The following RSF1 variants were observed in gnomAD, a reference collection of about 807,000 sequenced individuals.
RSF1 encodes the protein remodeling and spacing factor 1.
A neutral mutation model predicts 145.2 loss-of-function variants in RSF1; 13 were observed. The observed-to-expected ratio is 0.09, with a 90% CI of 0.06 to 0.14. The LOEUF (loss-of-function observed/expected upper bound fraction) is 0.14, where lower values mean the gene tolerates loss of function less well. Among genes scored for constraint, RSF1 ranks in the 10% least tolerant of loss-of-function variants. RSF1 has a pLI of 1.00. For missense variants in RSF1, 1,517 were observed against 1,718.2 expected (o/e 0.88, Z 2.07); for synonymous variants, 577 against 592.6 (o/e 0.97, Z 0.38).
intron 1 of RSF1, among the ~76,000 whole-genome samples, chr11:77,781,471 T>C (rs773268795): frequency 6.6e-6 from 1 of 152,218 alleles, no homozygotes; most frequent in Non-Finnish European, 1.5e-5. Flanking sequence ...ACATACATTT[T>C]TATTTCTCTT....
In RSF1 at chr11:77,675,142, G is replaced by A. The variant is rs1226212462; in HGVS notation, c.3456C>T (p.Pro1152=). 2 of 1,614,122 alleles carry A rather than the reference G, an allele frequency of 1.2e-6. No homozygotes were observed. The highest frequency in any genetic ancestry group is 1.7e-6 in the Non-Finnish European group (2 of 1,180,018). The change falls in exon 14 of 16, where the codon CCC becomes CCT. Residue 1152 remains proline, a synonymous_variant. Transcript: ENST00000308488. ...GCCTGCTCTGCCTCATTGGCCGAGA[G>A]GGGTGTCGCCTCAGTCTACGGCTAC... The part of the protein sequence containing the change: ...DFCSRRLRRH[P]SRPMRQSRRL...
the RSF1 span, among the ~76,000 whole-genome samples, chr11:77,826,582 T>C: frequency 6.6e-6 from 1 of 152,186 alleles, no homozygotes; most frequent in Non-Finnish European, 1.5e-5. Context: ...AGTTGCAGCA[T>C]AGTCGCTACC....
At chr11:77,808,228 G>C (rs1460629761) in intron 1 of RSF1, among the ~76,000 whole-genome samples, 1 of 151,932 alleles carries the variant, frequency 6.6e-6, no homozygotes, top group East Asian at 1.9e-4. Context: ...CAGCTATTCA[G>C]GAGGCTGAGG....
intron 1 of RSF1, among the ~76,000 whole-genome samples, chr11:77,786,179 C>T (rs1262225784): frequency 6.6e-6 from 1 of 151,994 alleles, no homozygotes; most frequent in Non-Finnish European, 1.5e-5. Context: ...CCAGCTAATA[C>T]TAAAAATCCT....
intron 9 of RSF1, among the ~76,000 whole-genome samples, chr11:77,690,536 G>C (rs568348158): frequency 6.6e-6 from 1 of 152,100 alleles, no homozygotes; most frequent in South Asian, 2.1e-4. Context: ...TCACTGCAAC[G>C]ATTCTCCTGC....
At chr11:77,847,309 T>C in the RSF1 span, among the ~76,000 whole-genome samples, 11 of 152,362 alleles carry the variant, frequency 7.2e-5, no homozygotes, top group African/African-American at 2.6e-4. Flanking sequence ...AGGATGTTTA[T>C]TTTTATCTGG....
At chr11:77,786,081 G>A (rs1354733997) in intron 1 of RSF1, among the ~76,000 whole-genome samples, 1 of 151,972 alleles carries the variant, frequency 6.6e-6, no homozygotes, top group Non-Finnish European at 1.5e-5. Flanking sequence ...TTTATAGGAG[G>A]ATATTACTGT....
At chr11:77,798,440 C>A (rs118010331) in intron 1 of RSF1, among the ~76,000 whole-genome samples, 1 of 151,504 alleles carries the variant, frequency 6.6e-6, no homozygotes, top group African/African-American at 2.4e-5. Flanking sequence ...CAAAATTTAG[C>A]CAGGCACACA....
chr11:77,690,642 G>A (rs556019582), intron 9 of RSF1, among the ~76,000 whole-genome samples: 143 of 152,130 alleles, frequency 9.4e-4, no homozygotes, highest in Non-Finnish European at 1.8e-3. Flanking sequence ...ATGTTGGCCA[G>A]GCTGACCTCA....
At position 77,701,700 on chromosome 11, in the gene RSF1, C is replaced by T; in HGVS notation, c.1529G>A (p.Arg510Lys). The change falls in exon 6 of 16, where the codon AGG becomes AAG. Residue 510 changes from arginine (R) to lysine (K), a missense_variant. Arg to Lys is a conservative substitution (Grantham distance 26). This residue lies in a region of RSF1 where 579 missense variants were observed against 553.5 expected (regional missense o/e 1.05). Transcript: ENST00000308488. ...TGATATTGAACTATCTGCATCTTTC[C>T]TCAAAGGGGCTGTTTCTTTCTCAAG... The part of the protein sequence containing the change: ...GELEKETAPL[R>K]KDADSSISVL... The T allele has an allele frequency of 6.2e-7, 1 of 1,613,738 alleles. No homozygotes were observed. Among genetic ancestry groups the T allele is most frequent in the East Asian group, 2.2e-5 (1 of 44,878 alleles).
chr11:77,829,406 A>G, the RSF1 span, among the ~76,000 whole-genome samples: 1 of 152,256 alleles, frequency 6.6e-6, no homozygotes, highest in Non-Finnish European at 1.5e-5. Flanking sequence ...TGAATAACAA[A>G]TAGCCATTTG....
rs539654927 is a variant in RSF1 at position 77,764,491 on chromosome 11, A to G, written c.279+107T>C. The G allele has an allele frequency of 2.6e-4, 179 of 685,446 alleles. 1 individual carries two copies. Among genetic ancestry groups the G allele is most frequent in the Non-Finnish European group, 3.7e-4 (149 of 402,454 alleles). 42.5% of individuals were successfully genotyped at this position (685,446 alleles called of 1,614,324 possible). ...ATGTGGATTTTGGAGCCATAGTCTTACTTTTAGTAAACTAATTAAAAATTA... is the reference window on the plus strand; with the variant it reads ...ATGTGGATTTTGGAGCCATAGTCTTGCTTTTAGTAAACTAATTAAAAATTA... On this transcript the variant is annotated intron_variant, in intron 2 of 15. Coordinates refer to ENST00000308488, the MANE Select transcript of RSF1 (RefSeq NM_016578.4).
chr11:77,734,375 T>A, intron 4 of RSF1: 3 of 807,318 alleles, frequency 3.7e-6, no homozygotes, highest in Non-Finnish European at 4.1e-6. Flanking sequence ...GTGGATGTTT[T>A]GGTACAACTT....
intron 1 of RSF1, among the ~76,000 whole-genome samples, chr11:77,806,734 C>G (rs1475998109): frequency 6.6e-6 from 1 of 150,638 alleles, no homozygotes; most frequent in African/African-American, 2.4e-5. Context: ...ATGGGGAGGA[C>G]CCAGAAGGAA....
chr11:77,705,784 G>A (rs1960534034), intron 5 of RSF1, among the ~76,000 whole-genome samples: 1 of 151,812 alleles, frequency 6.6e-6, no homozygotes, highest in African/African-American at 2.4e-5. Context: ...TTGAGCCCAG[G>A]AAGTCAAGGC....
chr11:77,756,175 C>G (rs1260760091), intron 2 of RSF1, among the ~76,000 whole-genome samples: 1 of 151,674 alleles, frequency 6.6e-6, no homozygotes, highest in African/African-American at 2.4e-5. Flanking sequence ...CTGACCAACA[C>G]GGAGAAACCC....
At position 77,701,944 on chromosome 11, in the gene RSF1, A is replaced by G. The variant is rs566094057; in HGVS notation, c.1285T>C (p.Ser429Pro). 4.3e-6 allele frequency: 7 copies of G among 1,613,464 alleles called. No homozygotes were observed. In the South Asian group the frequency reaches 6.6e-5, roughly 15 times the overall value. ...TCATGACCCAAAGCAGTGATTGTAGAGATCCTTTTACAAGTCTCTTCCTCT... is the reference window on the plus strand; with the variant it reads ...TCATGACCCAAAGCAGTGATTGTAGGGATCCTTTTACAAGTCTCTTCCTCT... ...KQEEETCKRI[S>P]TITALGHEGK... is the part of the protein sequence containing the mutation. The change falls in exon 6 of 16, where the codon TCT (serine) becomes CCT (proline). Residue 429 changes from serine to proline, a missense_variant. By Grantham distance (74) the Ser-to-Pro change is moderately conservative (BLOSUM62 -1). Transcript: ENST00000308488.
chr11:77,860,105 G>C, the RSF1 span, among the ~76,000 whole-genome samples: 1 of 152,196 alleles, frequency 6.6e-6, no homozygotes. Context: ...CATGTGTAAG[G>C]ACTCCTAGAG....
At chr11:77,790,963 C>G (rs1252812737) in intron 1 of RSF1, among the ~76,000 whole-genome samples, 1 of 152,170 alleles carries the variant, frequency 6.6e-6, no homozygotes, top group African/African-American at 2.4e-5. Context: ...GTGGATCTAC[C>G]ATTCTGGGAT....
Sources: allele counts gnomAD v4.1 joint callset (sites outside exome capture counted in the v4.1 genomes callset), GRCh38; gene constraint gnomAD v4.1.1; regional missense constraint gnomAD v4.1.1; transcripts MANE v1.5; gene names NCBI Gene and HGNC (gene_info 2026-07-23, HGNC 2026-07-21).